STK32B: variants seen among roughly 807,000 people sequenced by gnomAD.
STK32B encodes the protein serine/threonine-protein kinase 32B.
A neutral mutation model predicts 52.6 loss-of-function variants in STK32B; 43 were observed. That is an observed-to-expected ratio of 0.82 (90% CI 0.64 to 1.05). STK32B has a LOEUF of 1.05. Among genes scored for constraint, STK32B ranks in the 50% least tolerant of loss-of-function variants. The pLI is 0.00. For synonymous variants in STK32B, 238 were observed against 204.3 expected, an observed-to-expected ratio of 1.17 and a Z score of -1.41; for missense variants, 621 against 534.6, an observed-to-expected ratio of 1.16 and a Z score of -1.59.
intron 11 of STK32B, among the ~76,000 whole-genome samples, chr4:5,482,922 T>C (rs1189194179): frequency 6.6e-6 from 1 of 152,240 alleles, no homozygotes; most frequent in Admixed American, 6.5e-5. Flanking sequence ...CAGCCTTGCA[T>C]CCCAGGGATG....
intron 1 of STK32B, among the ~76,000 whole-genome samples, chr4:5,087,865 C>T (rs1264343066): frequency 6.6e-6 from 1 of 151,990 alleles, no homozygotes; most frequent in Non-Finnish European, 1.5e-5. Flanking sequence ...CTTAAATACT[C>T]TACTTTCAAA....
chr4:5,175,673 A>T (rs2108746642), intron 3 of STK32B, among the ~76,000 whole-genome samples: 1 of 152,238 alleles, frequency 6.6e-6, no homozygotes, highest in Admixed American at 6.5e-5. Context: ...GTTTTGTCTC[A>T]GAGGAGTACC....
chr4:5,103,013 T>C (rs1177352933), intron 1 of STK32B, among the ~76,000 whole-genome samples: 4 of 147,892 alleles, frequency 2.7e-5, no homozygotes, highest in Non-Finnish European at 6.0e-5. Flanking sequence ...CTGGCTACTT[T>C]GACCAGCTCA....
chr4:5,448,130 C>A (rs1001561917), intron 7 of STK32B, among the ~76,000 whole-genome samples: 1 of 152,190 alleles, frequency 6.6e-6, no homozygotes, highest in Non-Finnish European at 1.5e-5. Context: ...ATTTGTCACC[C>A]TGTAGTTAAG....
At chr4:5,201,429 TTCAG>T (rs909278747) in intron 3 of STK32B, among the ~76,000 whole-genome samples, 4 of 152,154 alleles carry the variant, frequency 2.6e-5, no homozygotes, top group Admixed American at 2.6e-4. Flanking sequence ...AGCGTCTTGC[TTCAG>T]GAAATGTTTC....
At chr4:5,111,375 G>A (rs1005200645) in intron 1 of STK32B, among the ~76,000 whole-genome samples, 4 of 152,102 alleles carry the variant, frequency 2.6e-5, no homozygotes, top group African/African-American at 9.7e-5. Flanking sequence ...GTGTCCATCA[G>A]CAGTTAATCA....
chr4:5,050,926 T>A (rs1019173201), upstream of STK32B, among the ~76,000 whole-genome samples: 1 of 152,102 alleles, frequency 6.6e-6, no homozygotes, highest in African/African-American at 2.4e-5. Flanking sequence ...GGGAGAATGG[T>A]TTGGGGCAAA....
intron 11 of STK32B, among the ~76,000 whole-genome samples, chr4:5,490,013 A>G (rs1000208491): frequency 3.9e-5 from 6 of 152,264 alleles, no homozygotes; most frequent in South Asian, 4.1e-4. Context: ...TAGTAATACA[A>G]ACTCACTGGT....
intron 1 of STK32B, among the ~76,000 whole-genome samples, chr4:5,075,036 G>A (rs960696650): frequency 3.9e-5 from 6 of 152,166 alleles, no homozygotes; most frequent in African/African-American, 1.4e-4. Flanking sequence ...GCTCCTTGGA[G>A]TTTCACCCCA....
At chr4:5,264,569 G>A (rs1002210934) in intron 3 of STK32B, among the ~76,000 whole-genome samples, 7 of 151,972 alleles carry the variant, frequency 4.6e-5, no homozygotes, top group Admixed American at 1.3e-4. Context: ...GGCGGATCAC[G>A]AGGTCGGGGG....
intron 5 of STK32B, among the ~76,000 whole-genome samples, chr4:5,405,224 C>G (rs140320865): frequency 6.6e-6 from 1 of 151,920 alleles, no homozygotes; most frequent in African/African-American, 2.4e-5. Context: ...GATTCACCAC[C>G]GAGATCCCCA....
intron 7 of STK32B, among the ~76,000 whole-genome samples, chr4:5,452,976 A>G (rs1481370861): frequency 6.6e-6 from 1 of 152,150 alleles, no homozygotes; most frequent in Non-Finnish European, 1.5e-5. Flanking sequence ...ACAAGCAGAC[A>G]GGATATTGAT....
At chr4:5,342,081 C>T (rs1424516948) in intron 4 of STK32B, among the ~76,000 whole-genome samples, 4 of 151,756 alleles carry the variant, frequency 2.6e-5, no homozygotes, top group African/African-American at 4.8e-5. Flanking sequence ...GATATAGGAA[C>T]GGTTCTACAC....
chr4:5,481,571 A>AGAAG, intron 11 of STK32B, among the ~76,000 whole-genome samples: 1 of 152,302 alleles, frequency 6.6e-6, no homozygotes, highest in East Asian at 1.9e-4. Flanking sequence ...TTTGCTGTGC[A>AGAAG]GAAGCTCTTT....
At chr4:5,233,883 C>T (rs4689206) in intron 3 of STK32B, among the ~76,000 whole-genome samples, 20,996 of 151,726 alleles carry the variant, frequency 0.14, 1,965 homozygotes, top group African/African-American at 0.24. Context: ...AAAAGGGTCT[C>T]TATCAGGAAG....
At chr4:5,445,117 A>G (rs1328018515) in intron 6 of STK32B, among the ~76,000 whole-genome samples, 1 of 152,188 alleles carries the variant, frequency 6.6e-6, no homozygotes, top group Non-Finnish European at 1.5e-5. Flanking sequence ...CTCCCCTGTA[A>G]AACATGTCCC....
chr4:5,068,848 G>A (rs1711586088), intron 1 of STK32B, among the ~76,000 whole-genome samples: 1 of 152,282 alleles, frequency 6.6e-6, no homozygotes. Context: ...ATGATATTCA[G>A]TGTAGTGAGA....
intron 1 of STK32B, among the ~76,000 whole-genome samples, chr4:5,079,828 G>T (rs777047941): frequency 1.3e-5 from 2 of 152,128 alleles, no homozygotes; most frequent in Non-Finnish European, 2.9e-5. Flanking sequence ...GAATGAAACT[G>T]ATGGACATTA....
In STK32B at chr4:5,373,315, AGCAGGTTCAACACCCATGT is replaced by A. The variant is rs1560362196; in HGVS notation, c.435-24890_435-24872del. On this transcript the variant is annotated intron_variant, in intron 4 of 11. Transcript: ENST00000282908. ...AGTCCCAAGATCTGCAGTGGGAGCC[AGCAGGTTCAACACCCATGT>A]GATCCAATGGTGTAGTTTCTGCCTG... 1.1e-4 allele frequency among the ~76,000 whole-genome samples: 17 copies of A among 152,364 alleles called. No individual in the cohort carries two copies. The South Asian group carries it at 3.3e-3, about 30-fold the overall frequency.
Sources: allele counts gnomAD v4.1 joint callset (sites outside exome capture counted in the v4.1 genomes callset), GRCh38; gene constraint gnomAD v4.1.1; transcripts MANE v1.5; gene names NCBI Gene and HGNC (gene_info 2026-07-23, HGNC 2026-07-21).